Variants in IL23R observed in about 807,000 individuals in gnomAD.
IL23R encodes interleukin 23 receptor.
A neutral mutation model predicts 56.9 loss-of-function variants in IL23R; 34 were observed. The ratio of observed to expected loss-of-function variants is 0.60; its 90% confidence interval spans 0.45 to 0.80. The LOEUF (loss-of-function observed/expected upper bound fraction) is 0.80, where lower values mean the gene tolerates loss of function less well. Among genes scored for constraint, IL23R ranks in the 30% least tolerant of loss-of-function variants. The pLI is 0.00. For missense variants in IL23R, 635 were observed against 730.0 expected (o/e 0.87, Z 1.50); for synonymous variants, 230 against 249.2 (o/e 0.92, Z 0.73).
chr1:67,230,446 T>C (rs1651022465), intron 7 of IL23R, among the ~76,000 whole-genome samples: 1 of 152,100 alleles, frequency 6.6e-6, no homozygotes, highest in Admixed American at 6.6e-5. Context: ...CATTCTTTCA[T>C]ATAGAGTTTT....
intron 7 of IL23R, among the ~76,000 whole-genome samples, chr1:67,221,846 C>T (rs1650272496): frequency 6.6e-6 from 1 of 152,042 alleles, no homozygotes; most frequent in South Asian, 2.1e-4. Context: ...TGCTGCAAAG[C>T]TCTTCTGGTA....
intron 7 of IL23R, among the ~76,000 whole-genome samples, chr1:67,228,255 G>A (rs959230319): frequency 6.8e-6 from 1 of 146,850 alleles, no homozygotes; most frequent in Non-Finnish European, 1.5e-5. Flanking sequence ...GTGCAGTGGT[G>A]TGATCTCAGC....
intron 4 of IL23R, among the ~76,000 whole-genome samples, chr1:67,192,202 T>C (rs1256618467): frequency 6.6e-6 from 1 of 152,224 alleles, no homozygotes; most frequent in Non-Finnish European, 1.5e-5. Context: ...TAAGTGGAGA[T>C]GTATTACTGG....
chr1:67,159,076 G>A (rs1403570355), intron 1 of IL23R, among the ~76,000 whole-genome samples: 2 of 5,660 alleles, frequency 3.5e-4, no homozygotes, highest in African/African-American at 2.6e-3. Flanking sequence ...ATCACTATCA[G>A]TGATTGATAG....
chr1:67,203,023 C>A (rs911283071), intron 5 of IL23R, among the ~76,000 whole-genome samples: 3 of 151,918 alleles, frequency 2.0e-5, no homozygotes, highest in African/African-American at 4.8e-5. Flanking sequence ...AGTAATATAC[C>A]CTTTTCTTAC....
At chr1:67,156,562 C>T (rs1343550447) in intron 1 of IL23R, among the ~76,000 whole-genome samples, 2 of 152,172 alleles carry the variant, frequency 1.3e-5, no homozygotes, top group Non-Finnish European at 1.5e-5. Flanking sequence ...CTTTGCTGCA[C>T]CTTGGTGAAT....
intron 6 of IL23R, among the ~76,000 whole-genome samples, chr1:67,218,073 G>C (rs1157112601): frequency 6.6e-6 from 1 of 151,986 alleles, no homozygotes; most frequent in African/African-American, 2.4e-5. Flanking sequence ...TACTGAAGAT[G>C]CTGTACAAAT....
chr1:67,223,040 G>C lies in IL23R; in HGVS notation c.955+3310G>C, dbSNP rs150844392. ...AGGCCAAGGCGAGTGGATCACCTAA[G>C]GTCAGGAGTTTAAGACCACCCTGGC... On this transcript the variant is annotated intron_variant, in intron 7 of 10. Coordinates refer to ENST00000347310, the MANE Select transcript of IL23R (RefSeq NM_144701.3). 1.6e-3 allele frequency among the ~76,000 whole-genome samples: 243 copies of C among 152,184 alleles called. 3 individuals carry two copies. Among genetic ancestry groups the C allele is most frequent in the Non-Finnish European group, 4.4e-4 (30 of 68,006 alleles).
chr1:67,188,019 T>C (rs1367911829), intron 4 of IL23R, among the ~76,000 whole-genome samples: 1 of 151,978 alleles, frequency 6.6e-6, no homozygotes, highest in African/African-American at 2.4e-5. Context: ...GCCATTGCAC[T>C]CCAGCCTGGG....
intron 7 of IL23R, among the ~76,000 whole-genome samples, chr1:67,230,648 C>A (rs1442113275): frequency 1.3e-5 from 2 of 152,146 alleles, no homozygotes; most frequent in Non-Finnish European, 2.9e-5. Context: ...GGAAGATAAA[C>A]CCTTGAATAT....
intron 9 of IL23R, among the ~76,000 whole-genome samples, chr1:67,255,286 GT>G (rs1460162580): frequency 6.6e-6 from 1 of 152,098 alleles, no homozygotes. Context: ...CTTGAATCTA[GT>G]GTGAGTGTTT....
the IL23R span, among the ~76,000 whole-genome samples, chr1:67,265,122 G>A: frequency 1.3e-5 from 2 of 152,214 alleles, no homozygotes. Context: ...ACAAGTGTGA[G>A]GTACGGAAGT....
At chr1:67,199,144 A>G (rs992426969) in intron 4 of IL23R, among the ~76,000 whole-genome samples, 3 of 152,210 alleles carry the variant, frequency 2.0e-5, no homozygotes, top group African/African-American at 4.8e-5. Flanking sequence ...TATCACTTAC[A>G]TGATACAGTC....
chr1:67,148,109 G>C (rs1477825880), intron 1 of IL23R, among the ~76,000 whole-genome samples: 2 of 152,246 alleles, frequency 1.3e-5, no homozygotes, highest in African/African-American at 4.8e-5. Flanking sequence ...AGCCGTGAAG[G>C]AACAATGGCG....
chr1:67,246,945 C>G (rs1652265327), intron 9 of IL23R, among the ~76,000 whole-genome samples: 1 of 152,140 alleles, frequency 6.6e-6, no homozygotes, highest in South Asian at 2.1e-4. Context: ...GTGTGGGAGT[C>G]TAAGTCTCTT....
chr1:67,182,148 C>G (rs1253546493), intron 3 of IL23R, among the ~76,000 whole-genome samples: 1 of 152,210 alleles, frequency 6.6e-6, no homozygotes, highest in Non-Finnish European at 1.5e-5. Flanking sequence ...AACCACTACT[C>G]TCTTCAAAGC....
chr1:67,201,402 T>C (rs1158657631), intron 5 of IL23R, among the ~76,000 whole-genome samples: 1 of 147,360 alleles, frequency 6.8e-6, no homozygotes, highest in Admixed American at 6.6e-5. Context: ...AGCAAAACTC[T>C]TGTCTAAAAA....
intron 4 of IL23R, among the ~76,000 whole-genome samples, chr1:67,191,609 T>C (rs970631200): frequency 6.6e-6 from 1 of 152,142 alleles, no homozygotes; most frequent in Non-Finnish European, 1.5e-5. Flanking sequence ...TGTTTCTTTT[T>C]ATGAAAAAAA....
At position 67,184,606 on chromosome 1, in the gene IL23R, A is replaced by ATAAAATAAAC; in HGVS notation, c.491+1656_491+1657insCTAAAATAAA. Among the ~76,000 whole-genome samples, 2 of 148,470 alleles carry ATAAAATAAAC rather than the reference A, an allele frequency of 1.3e-5. 1 individual carries two copies. Among genetic ancestry groups the ATAAAATAAAC allele is most frequent in the East Asian group, 3.9e-4 (2 of 5,154 alleles). On this transcript the variant is annotated intron_variant, in intron 4 of 10. Transcript: ENST00000347310. The stretch of plus-strand genomic sequence containing the variant: ...ATAAAATAAAATAAAATAAAATAAA[A>ATAAAATAAAC]TAAAATAAAATAAGCCTTCTGTGGT...
Sources: gnomAD v4.1 joint callset for allele counts (sites outside exome capture counted in the v4.1 genomes callset) on GRCh38, gnomAD v4.1.1 for gene constraint, MANE v1.5 for transcripts, NCBI Gene and HGNC (gene_info 2026-07-23, HGNC 2026-07-21) for gene names.